The following CNTN5 variants were observed in gnomAD, a reference collection of about 807,000 sequenced individuals.
CNTN5 encodes contactin-5.
A neutral mutation model predicts 129.1 loss-of-function variants in CNTN5; 77 were observed. The observed-to-expected ratio is 0.60, with a 90% CI of 0.50 to 0.72. CNTN5 has a LOEUF of 0.72. Among genes scored for constraint, CNTN5 ranks in the 30% least tolerant of loss-of-function variants. The pLI, the probability that CNTN5 is intolerant of heterozygous loss-of-function variation, is 0.00. For missense variants in CNTN5, 1,478 were observed against 1,328.8 expected (o/e 1.11, Z -1.75); for synonymous variants, 509 against 465.6 (o/e 1.09, Z -1.20).
At chr11:99,765,368 C>G (rs1460917893) in intron 3 of CNTN5, among the ~76,000 whole-genome samples, 2 of 150,576 alleles carry the variant, frequency 1.3e-5, no homozygotes, top group African/African-American at 2.5e-5. Flanking sequence ...GGGACTAAAT[C>G]TCAGTATGAA....
intron 18 of CNTN5, among the ~76,000 whole-genome samples, chr11:100,281,418 C>G (rs1334932553): frequency 6.6e-6 from 1 of 152,064 alleles, no homozygotes; most frequent in African/African-American, 2.4e-5. Context: ...ACCGCTCTCT[C>G]CTGGCCTGTA....
chr11:99,512,198 T>C (rs1946863553), intron 2 of CNTN5, among the ~76,000 whole-genome samples: 1 of 152,154 alleles, frequency 6.6e-6, no homozygotes. Context: ...GCATTTTTTC[T>C]TTCATACCAC....
At chr11:99,495,284 C>T (rs1946182544) in intron 2 of CNTN5, among the ~76,000 whole-genome samples, 1 of 152,180 alleles carries the variant, frequency 6.6e-6, no homozygotes, top group South Asian at 2.1e-4. Flanking sequence ...AAGAGAATAG[C>T]TTGAACCCTG....
chr11:100,184,073 C>A (rs961121144), intron 13 of CNTN5, among the ~76,000 whole-genome samples: 1 of 152,096 alleles, frequency 6.6e-6, no homozygotes, highest in Non-Finnish European at 1.5e-5. Context: ...AATATTACCC[C>A]CTAAGAAGAG....
intron 9 of CNTN5, among the ~76,000 whole-genome samples, chr11:100,024,206 G>T (rs1240212652): frequency 6.6e-6 from 1 of 152,144 alleles, no homozygotes; most frequent in African/African-American, 2.4e-5. Context: ...AGATCTGATG[G>T]TTTTGTAAGG....
chr11:99,404,381 C>G (rs1430300138), intron 2 of CNTN5, among the ~76,000 whole-genome samples: 1 of 151,590 alleles, frequency 6.6e-6, no homozygotes, highest in Non-Finnish European at 1.5e-5. Context: ...CCTACTCCTA[C>G]AATTTTGTTT....
At chr11:100,173,056 A>T (rs956443883) in intron 13 of CNTN5, among the ~76,000 whole-genome samples, 19 of 152,182 alleles carry the variant, frequency 1.2e-4, no homozygotes, top group Admixed American at 2.6e-4. Flanking sequence ...ATTAAGCCTA[A>T]GGTGGGAACA....
chr11:99,633,780 A>T (rs638688), intron 3 of CNTN5, among the ~76,000 whole-genome samples: 91,822 of 152,098 alleles, frequency 0.6, 28,549 homozygotes, highest in Admixed American at 0.69. Flanking sequence ...AAGGTTTCAC[A>T]TAAGATGTGT....
At chr11:99,633,263 G>C (rs541952641) in intron 3 of CNTN5, among the ~76,000 whole-genome samples, 3 of 152,146 alleles carry the variant, frequency 2.0e-5, no homozygotes, top group Non-Finnish European at 4.4e-5. Flanking sequence ...TGAGCACAAA[G>C]TGTCCTATTT....
intron 9 of CNTN5, among the ~76,000 whole-genome samples, chr11:100,034,163 C>T (rs1941863921): frequency 1.3e-5 from 2 of 152,198 alleles, no homozygotes. Context: ...AAGTTTTTAA[C>T]TTCTGTATAC....
intron 1 of CNTN5, among the ~76,000 whole-genome samples, chr11:99,026,154 C>A (rs1017570672): frequency 1.7e-4 from 26 of 151,540 alleles, no homozygotes; most frequent in Admixed American, 6.6e-4. Context: ...TTGGCAGTTT[C>A]ATGATCATTA....
intron 3 of CNTN5, among the ~76,000 whole-genome samples, chr11:99,556,893 T>C (rs1021262832): frequency 4.6e-5 from 7 of 151,156 alleles, no homozygotes; most frequent in Middle Eastern, 3.7e-3. Context: ...AAGTTTATAG[T>C]ATTGGTAGTA....
intron 2 of CNTN5, among the ~76,000 whole-genome samples, chr11:99,412,542 T>G (rs1942446161): frequency 6.6e-6 from 1 of 152,204 alleles, no homozygotes; most frequent in Non-Finnish European, 1.5e-5. Flanking sequence ...ACATGTTATA[T>G]TTAGTACTAT....
intron 2 of CNTN5, among the ~76,000 whole-genome samples, chr11:99,350,504 C>T (rs550264164): frequency 9.2e-4 from 140 of 152,098 alleles, no homozygotes; most frequent in African/African-American, 3.0e-3. Flanking sequence ...AATATGTGTA[C>T]GAGAATAACC....
chr11:99,651,028 T>C (rs1952135616), intron 3 of CNTN5, among the ~76,000 whole-genome samples: 2 of 151,992 alleles, frequency 1.3e-5, no homozygotes, highest in African/African-American at 4.8e-5. Context: ...TCGTTTCTAA[T>C]TTATTCTCAA....
At chr11:100,094,765 A>AAAGG (rs57565481) in intron 13 of CNTN5, among the ~76,000 whole-genome samples, 17,381 of 113,684 alleles carry the variant, frequency 0.15, 1,577 homozygotes, top group East Asian at 0.2. Context: ...GGGAGGGAGG[A>AAAGG]AAGGAAGGAA....
intron 8 of CNTN5, among the ~76,000 whole-genome samples, chr11:99,980,954 G>A (rs1938290566): frequency 6.6e-6 from 1 of 150,608 alleles, no homozygotes; most frequent in Non-Finnish European, 1.5e-5. Flanking sequence ...TATATTAAAG[G>A]GTTAATCTAT....
intron 3 of CNTN5, among the ~76,000 whole-genome samples, chr11:99,639,999 C>T (rs577670058): frequency 5.9e-5 from 9 of 152,214 alleles, no homozygotes; most frequent in African/African-American, 2.2e-4. Context: ...TAAAATGTTA[C>T]CAAGATTCAC....
chr11:100,065,571 C>G (rs1305697324), intron 10 of CNTN5, among the ~76,000 whole-genome samples: 1 of 151,906 alleles, frequency 6.6e-6, no homozygotes, highest in African/African-American at 2.4e-5. Flanking sequence ...AACTAGACCT[C>G]AAAATATTAA....
Sources: gnomAD v4.1 joint callset for allele counts (sites outside exome capture counted in the v4.1 genomes callset) on GRCh38, gnomAD v4.1.1 for gene constraint, MANE v1.5 for transcripts, NCBI Gene and HGNC (gene_info 2026-07-23, HGNC 2026-07-21) for gene names.